Variants in TDRD12 observed in about 807,000 individuals in gnomAD.
The protein encoded by TDRD12 is putative ATP-dependent RNA helicase TDRD12.
A neutral mutation model predicts 133.5 loss-of-function variants in TDRD12; 158 were observed. That is an observed-to-expected ratio of 1.18 (90% CI 1.04 to 1.35). The LOEUF (loss-of-function observed/expected upper bound fraction) is 1.35. Among genes scored for constraint, TDRD12 ranks in the 40% most tolerant of loss-of-function variants. TDRD12 has a pLI of 0.00. For missense variants in TDRD12, 1,443 were observed against 1,321.3 expected, an observed-to-expected ratio of 1.09 and a Z score of -1.43; for synonymous variants, 460 against 477.9, an observed-to-expected ratio of 0.96 and a Z score of 0.49.
At chr19:32,785,090 T>C (rs1970868788) in intron 11 of TDRD12, among the ~76,000 whole-genome samples, 1 of 152,238 alleles carries the variant, frequency 6.6e-6, no homozygotes, top group Non-Finnish European at 1.5e-5. Flanking sequence ...GTGTCAGTTT[T>C]AGATCTCTCC....
intron 1 of TDRD12, among the ~76,000 whole-genome samples, chr19:32,728,272 A>G (rs1968921775): frequency 6.6e-6 from 1 of 152,106 alleles, no homozygotes; most frequent in African/African-American, 2.4e-5. Context: ...GAATTTTAGA[A>G]TGTGCTTTTC....
At chr19:32,821,103 G>A in exon 28 of TDRD12, 3 of 1,535,998 alleles carry the variant, frequency 2.0e-6, no homozygotes, top group Non-Finnish European at 2.6e-6. Flanking sequence ...AGAAGGAGGG[G>A]CTGAGTCCAA....
At chr19:32,756,487 AC>A (rs1969998178) in intron 7 of TDRD12, among the ~76,000 whole-genome samples, 2 of 151,944 alleles carry the variant, frequency 1.3e-5, no homozygotes, top group African/African-American at 4.8e-5. Flanking sequence ...CCCCAGGTTC[AC>A]ACCATTCTCC....
chr19:32,756,424 G>A (rs926283532), intron 7 of TDRD12, among the ~76,000 whole-genome samples: 6 of 151,946 alleles, frequency 3.9e-5, no homozygotes, highest in Non-Finnish European at 7.4e-5. Context: ...GTCTCGGTCT[G>A]TAACCCAGGC....
intron 17 of TDRD12, 27 bp downstream of exon 17, chr19:32,800,385 A>ATGTG (rs113439291): frequency 4.3e-5 from 59 of 1,364,850 alleles, no homozygotes; most frequent in Middle Eastern, 1.9e-4. Flanking sequence ...GTGTATGTGT[A>ATGTG]TGTGTGTGTG....
intron 21 of TDRD12, among the ~76,000 whole-genome samples, chr19:32,805,550 G>C (rs1372943195): frequency 1.3e-5 from 2 of 151,850 alleles, no homozygotes; most frequent in Admixed American, 6.6e-5. Context: ...GGTATTTGTG[G>C]TCCATTTTTG....
exon 16 of TDRD12, chr19:32,798,417 C>T: frequency 1.3e-6 from 2 of 1,535,342 alleles, no homozygotes; most frequent in Non-Finnish European, 1.7e-6. Flanking sequence ...AGGTGCTATT[C>T]TTGGAAGCCA....
chr19:32,737,610 G>C (rs1367216142), intron 2 of TDRD12, among the ~76,000 whole-genome samples: 2 of 151,932 alleles, frequency 1.3e-5, no homozygotes, highest in Non-Finnish European at 2.9e-5. Context: ...GCCCACTGCA[G>C]CCTCCAATTC....
At chr19:32,826,242 A>G, downstream of TDRD12, 6 of 1,479,926 alleles carry the variant, frequency 4.1e-6, no homozygotes, top group Non-Finnish European at 4.5e-6. Flanking sequence ...TTCTTCTTCT[A>G]GCTTCCACCC....
At chr19:32,809,004 G>A (rs796113573) in intron 22 of TDRD12, among the ~76,000 whole-genome samples, 6 of 152,062 alleles carry the variant, frequency 3.9e-5, no homozygotes, top group African/African-American at 1.4e-4. Context: ...ATTTGACCTT[G>A]TTACTTTGCT....
chr19:32,750,000 C>A, intron 6 of TDRD12, 131 bp downstream of exon 6: 1 of 601,562 alleles, frequency 1.7e-6, no homozygotes, highest in Non-Finnish European at 2.7e-6. Context: ...TAAGGTCTAT[C>A]TTAGACCCGA....
At chr19:32,728,583 G>A (rs1304289934) in intron 1 of TDRD12, among the ~76,000 whole-genome samples, 1 of 149,660 alleles carries the variant, frequency 6.7e-6, no homozygotes, top group Non-Finnish European at 1.5e-5. Flanking sequence ...CTGTCTTACT[G>A]TACTAACTGG....
intron 6 of TDRD12, among the ~76,000 whole-genome samples, chr19:32,750,652 A>T (rs1218336865): frequency 2.0e-5 from 3 of 152,076 alleles, no homozygotes; most frequent in African/African-American, 7.2e-5. Context: ...CTGATGTAGG[A>T]TCTGCTCCAG....
rs1402769657 is a variant in TDRD12, at chr19:32,813,671, G to A, written c.3049-13G>A. ...AAAGCCTCACCTAAAATAATGTTAA[G>A]TGCTTTTTTCAGGTTACTAGGTACA... On this transcript the variant is annotated splice_polypyrimidine_tract_variant and intron_variant, in intron 24 of 27. Transcript: ENST00000444215. 9 of 1,461,892 alleles carry A rather than the reference G, an allele frequency of 6.2e-6. No individual in the cohort carries two copies. In the East Asian group the frequency reaches 2.2e-4, roughly 36 times the overall value. 90.6% of individuals were successfully genotyped at this position (1,461,892 alleles called of 1,614,324 possible).
chr19:32,819,866 A>G (rs1033956515), intron 27 of TDRD12, among the ~76,000 whole-genome samples: 2 of 152,110 alleles, frequency 1.3e-5, no homozygotes, highest in Non-Finnish European at 2.9e-5. Context: ...GGTGCGGTGG[A>G]CAGTGACAGG....
intron 11 of TDRD12, among the ~76,000 whole-genome samples, chr19:32,783,645 A>G (rs1486967651): frequency 6.6e-6 from 1 of 152,118 alleles, no homozygotes; most frequent in Non-Finnish European, 1.5e-5. Flanking sequence ...TTTCTTGAGC[A>G]GTGGTTTGTA....
exon 10 of TDRD12, chr19:32,827,372 C>CT (rs549327733): frequency 0.014 from 1,764 of 122,328 alleles, 32 homozygotes; most frequent in African/African-American, 0.04. Context: ...CTTTTCTTTT[C>CT]TTTTTTTTTT....
exon 9 of TDRD12, chr19:32,826,571 G>A (rs1967597315): frequency 7.3e-6 from 9 of 1,240,274 alleles, no homozygotes; most frequent in Non-Finnish European, 9.1e-6. Flanking sequence ...AGAGAAGGGA[G>A]GCATGGTGTC....
chr19:32,759,840 C>T (rs1383815492), intron 8 of TDRD12, among the ~76,000 whole-genome samples: 4 of 152,176 alleles, frequency 2.6e-5, no homozygotes, highest in East Asian at 1.9e-4. Flanking sequence ...GGTGTCAGGC[C>T]GCTTCCTTCT....
Sources: allele counts gnomAD v4.1 joint callset (sites outside exome capture counted in the v4.1 genomes callset), GRCh38; gene constraint gnomAD v4.1.1; transcripts MANE v1.5; gene names NCBI Gene and HGNC (gene_info 2026-07-23, HGNC 2026-07-21).